Variants in SLC15A5 observed in about 807,000 individuals in gnomAD.
The protein encoded by SLC15A5 is solute carrier family 15 member 5.
A neutral mutation model predicts 56.1 loss-of-function variants in SLC15A5; 58 were observed. The ratio of observed to expected loss-of-function variants is 1.03; its 90% confidence interval spans 0.84 to 1.29. The LOEUF is 1.29. Among genes scored for constraint, SLC15A5 ranks in the 50% most tolerant of loss-of-function variants. The probability of loss-of-function intolerance (pLI) is 0.00; values close to 1 mark genes in which losing one functional copy is unlikely to be tolerated. For missense variants in SLC15A5, 681 were observed against 672.1 expected (o/e 1.01, Z -0.15); for synonymous variants, 264 against 250.5 (o/e 1.05, Z -0.51).
intron 5 of SLC15A5, among the ~76,000 whole-genome samples, chr12:16,234,061 T>C (rs1864324419): frequency 6.6e-6 from 1 of 152,218 alleles, no homozygotes; most frequent in Non-Finnish European, 1.5e-5. Flanking sequence ...CTCACAGTTC[T>C]AAAAGCTGGA....
Position 16,212,293 on chromosome 12 carries a change from G to T in SLC15A5, c.1483+4600C>A, listed in dbSNP as rs1457910360. 4.6e-5 allele frequency among the ~76,000 whole-genome samples: 7 copies of T among 152,202 alleles called. No individual in the cohort carries two copies. The East Asian group carries it at 1.4e-3, about 29-fold the overall frequency. On this transcript the variant is annotated intron_variant, in intron 7 of 8. Transcript: ENST00000344941. ...TTAGTTTTATTCTCTCATCCTGTCT[G>T]AGAAAAGTGAAGTACAATTTCCTTT...
chr12:16,239,904 G>C, intron 4 of SLC15A5, 37 bp from the exon 5 acceptor site: 1 of 1,509,198 alleles, frequency 6.6e-7, no homozygotes, highest in Non-Finnish European at 8.9e-7. Context: ...CATTAAGACA[G>C]GGGTTTAACT....
At chr12:16,240,650 C>T (rs2136258480) in intron 4 of SLC15A5, among the ~76,000 whole-genome samples, 1 of 152,160 alleles carries the variant, frequency 6.6e-6, no homozygotes, top group East Asian at 1.9e-4. Flanking sequence ...CCAATGCTAA[C>T]TAAAACTCTA....
At chr12:16,197,106 A>G (rs1434399780) in intron 7 of SLC15A5, among the ~76,000 whole-genome samples, 2 of 151,760 alleles carry the variant, frequency 1.3e-5, no homozygotes, top group Non-Finnish European at 2.9e-5. Flanking sequence ...AGAAAAGAAA[A>G]CCCCAAACCG....
At chr12:16,259,366 C>T (rs1301433663) in intron 2 of SLC15A5, among the ~76,000 whole-genome samples, 1 of 151,318 alleles carries the variant, frequency 6.6e-6, no homozygotes, top group Non-Finnish European at 1.5e-5. Context: ...TTCCCTCCTT[C>T]CTTCCTTCCT....
At chr12:16,249,219 T>C (rs1005716255) in intron 3 of SLC15A5, among the ~76,000 whole-genome samples, 3 of 152,094 alleles carry the variant, frequency 2.0e-5, no homozygotes, top group Non-Finnish European at 2.9e-5. Flanking sequence ...GCTTGACAGC[T>C]AAACATAATG....
At chr12:16,239,584 A>T (rs1017711141) in intron 5 of SLC15A5, 97 bp downstream of exon 5, 62 of 1,186,608 alleles carry the variant, frequency 5.2e-5, no homozygotes, top group Non-Finnish European at 6.3e-5. Flanking sequence ...TCAAAATCTG[A>T]CACTACTCAG....
intron 5 of SLC15A5, among the ~76,000 whole-genome samples, chr12:16,225,719 A>G (rs1864234661): frequency 6.6e-6 from 1 of 152,276 alleles, no homozygotes. Flanking sequence ...ATCACGGGCC[A>G]TCAGAGAAAT....
chr12:16,199,530 C>T (rs766884733), intron 7 of SLC15A5, among the ~76,000 whole-genome samples: 42 of 151,952 alleles, frequency 2.8e-4, no homozygotes, highest in Admixed American at 3.9e-4. Flanking sequence ...AGGAACCCTC[C>T]CATTCATCCT....
intron 7 of SLC15A5, among the ~76,000 whole-genome samples, chr12:16,207,462 G>A (rs1864032176): frequency 1.3e-5 from 2 of 152,020 alleles, no homozygotes; most frequent in South Asian, 4.2e-4. Flanking sequence ...TAATTTAAGA[G>A]TAGAGTTTGT....
chr12:16,265,777 C>A (rs983089929), intron 2 of SLC15A5, among the ~76,000 whole-genome samples: 2 of 152,166 alleles, frequency 1.3e-5, no homozygotes, highest in African/African-American at 4.8e-5. Flanking sequence ...GCCACTACAC[C>A]CAGCTTCTTC....
intron 7 of SLC15A5, among the ~76,000 whole-genome samples, chr12:16,202,979 T>G (rs1863973245): frequency 6.6e-6 from 1 of 151,378 alleles, no homozygotes; most frequent in Non-Finnish European, 1.5e-5. Flanking sequence ...GGGGACTGGG[T>G]GGGGGAAGGG....
intron 1 of SLC15A5, among the ~76,000 whole-genome samples, chr12:16,274,454 T>G (rs1312319792): frequency 1.3e-5 from 2 of 152,148 alleles, no homozygotes; most frequent in African/African-American, 4.8e-5. Context: ...TTCATGTGAT[T>G]TGTTTTCTCA....
intron 6 of SLC15A5, among the ~76,000 whole-genome samples, chr12:16,223,278 A>G (rs1393498396): frequency 6.6e-6 from 1 of 152,160 alleles, no homozygotes; most frequent in East Asian, 1.9e-4. Flanking sequence ...AGTTGATAGA[A>G]TGGGAGAGAT....
chr12:16,217,787 T>TGA (rs556081835), intron 6 of SLC15A5, among the ~76,000 whole-genome samples: 16 of 151,486 alleles, frequency 1.1e-4, no homozygotes, highest in South Asian at 2.1e-4. Context: ...GGAGAGGTGC[T>TGA]GAGAGAGAGA....
At chr12:16,245,358 A>T (rs1380838576) in intron 3 of SLC15A5, among the ~76,000 whole-genome samples, 1 of 152,160 alleles carries the variant, frequency 6.6e-6, no homozygotes, top group Non-Finnish European at 1.5e-5. Context: ...GCATGTTGAT[A>T]GTGTCATTAA....
chr12:16,257,844 G>C lies in SLC15A5; in HGVS notation c.611C>G (p.Ala204Gly). 1.3e-6 allele frequency: 2 copies of C among 1,502,530 alleles called. No homozygotes were observed. Among genetic ancestry groups the C allele is most frequent in the Non-Finnish European group, 1.8e-6 (2 of 1,135,294 alleles). 93.1% of individuals were successfully genotyped at this position (1,502,530 alleles called of 1,614,324 possible). Residue 204 changes from alanine (A) to glycine (G), a missense_variant, in exon 3 of 9, where the codon GCA (alanine) becomes GGA (glycine). Physicochemically the swap from Ala to Gly is moderately conservative, Grantham distance 60. Transcript: ENST00000344941. Reference protein sequence around the residue: ...NWFYWLMNLNATIVFLGISYI... With the variant: ...NWFYWLMNLNGTIVFLGISYI... ...AGATATTCCCAGAAACACAATAGTT[G>C]CATTTAGGTTCATGAGCCAATAAAA...
chr12:16,210,821 T>C (rs918034564), intron 7 of SLC15A5, among the ~76,000 whole-genome samples: 6 of 152,236 alleles, frequency 3.9e-5, no homozygotes, highest in Non-Finnish European at 7.3e-5. Context: ...GGCTCTTTCC[T>C]GATGCTATTA....
At chr12:16,191,684 C>A (rs938481730) in intron 8 of SLC15A5, among the ~76,000 whole-genome samples, 2 of 152,094 alleles carry the variant, frequency 1.3e-5, no homozygotes, top group African/African-American at 4.8e-5. Context: ...CTCCTCACTG[C>A]AGACACTGGT....
Sources: gnomAD v4.1 joint callset for allele counts (sites outside exome capture counted in the v4.1 genomes callset) on GRCh38, gnomAD v4.1.1 for gene constraint, MANE v1.5 for transcripts, NCBI Gene and HGNC (gene_info 2026-07-23, HGNC 2026-07-21) for gene names.